Variants in NRXN1 observed in about 807,000 individuals in gnomAD.
NRXN1 encodes neurexin 1.
Under a neutral mutation model 150.9 loss-of-function variants are expected in NRXN1, and 39 were observed. That is an observed-to-expected ratio of 0.26 (90% confidence interval 0.20 to 0.34). The LOEUF (loss-of-function observed/expected upper bound fraction) is 0.34, where lower values mean the gene tolerates loss of function less well. Among genes scored for constraint, NRXN1 ranks in the 10% least tolerant of loss-of-function variants. The pLI, the probability that NRXN1 is intolerant of heterozygous loss-of-function variation, is 1.00. For missense variants in NRXN1, 1,815 were observed against 1,949.9 expected (o/e 0.93, Z 1.30); for synonymous variants, 924 against 757.0 (o/e 1.22, Z -3.62).
chr2:50,401,731 T>C (rs569007391), intron 17 of NRXN1, among the ~76,000 whole-genome samples: 17 of 152,162 alleles, frequency 1.1e-4, no homozygotes, highest in Admixed American at 9.2e-4. Flanking sequence ...CAAGAGCCTA[T>C]GGTTGGAATT....
rs538195184 is a variant in NRXN1, at chr2:50,515,090, C to T, written c.2375-8473G>A. ...GAGAAGCTTCATCTGTATTTACAGC[C>T]GCTCTCCATTACTCACATCACCATC... On this transcript the variant is annotated intron_variant, in intron 12 of 22. Coordinates refer to ENST00000401669, the MANE Select transcript of NRXN1 (RefSeq NM_001330078.2). 9.9e-5 allele frequency among the ~76,000 whole-genome samples: 15 copies of T among 152,274 alleles called. 1 individual carries two copies. The South Asian group carries it at 2.7e-3, about 27-fold the overall frequency.
In NRXN1 at chr2:50,054,959, G is replaced by A; in HGVS notation, c.3804C>T (p.Asp1268=). 6.4e-7 allele frequency: 1 copy of A among 1,555,666 alleles called. No homozygotes were observed. Among genetic ancestry groups the A allele is most frequent in the Non-Finnish European group, 8.7e-7 (1 of 1,151,836 alleles). The change falls in exon 20 of 23, where the codon GAC becomes GAT. Residue 1268 remains aspartate (D), a synonymous_variant. Coordinates refer to ENST00000401669, the MANE Select transcript of NRXN1 (RefSeq NM_001330078.2). The part of the protein sequence containing the change: ...LGRVVDEWLL[D]KGRQLTIFNS... ...GTTTTAATCAATGTTTTTTACCTTT[G>A]TCGAGTAGCCATTCATCAACTACTC...
At chr2:50,615,243 GA>G (rs1235062169) in intron 8 of NRXN1, 1 of 151,986 alleles carries the variant, frequency 6.6e-6, no homozygotes, top group African/African-American at 2.4e-5. Context: ...GGCTTAATCT[GA>G]GCAATTTTTA....
chr2:50,523,665 T>C (rs566074612), intron 12 of NRXN1, among the ~76,000 whole-genome samples: 2 of 152,316 alleles, frequency 1.3e-5, no homozygotes, highest in Non-Finnish European at 2.9e-5. Context: ...AATAAAATGG[T>C]AATACAAAGA....
intron 19 of NRXN1, among the ~76,000 whole-genome samples, chr2:50,071,329 C>T (rs1446310032): frequency 6.6e-6 from 1 of 152,078 alleles, no homozygotes; most frequent in African/African-American, 2.4e-5. Context: ...ATTGTTTATC[C>T]CCCAAATTCA....
chr2:50,887,588 T>C (rs1420377149), intron 5 of NRXN1, among the ~76,000 whole-genome samples: 3 of 151,470 alleles, frequency 2.0e-5, no homozygotes, highest in Non-Finnish European at 4.4e-5. Flanking sequence ...TATCTAGTCT[T>C]TCGTTTACTC....
chr2:50,889,471 C>A (rs1037718453), intron 5 of NRXN1, among the ~76,000 whole-genome samples: 2 of 151,674 alleles, frequency 1.3e-5, no homozygotes, highest in Non-Finnish European at 3.0e-5. Flanking sequence ...ATTTGTTTCC[C>A]ATCTAAACAA....
chr2:50,502,277 A>T (rs1470761269), intron 13 of NRXN1, among the ~76,000 whole-genome samples: 1 of 152,222 alleles, frequency 6.6e-6, no homozygotes, highest in Non-Finnish European at 1.5e-5. Context: ...TACCCAAGGT[A>T]TTTAAAAAAT....
chr2:50,199,568 A>ACG (rs573635250), intron 18 of NRXN1, among the ~76,000 whole-genome samples: 1 of 146,502 alleles, frequency 6.8e-6, no homozygotes, highest in South Asian at 2.1e-4. Flanking sequence ...ACACACACAC[A>ACG]TGCACACTGA....
chr2:50,584,355 T>C (rs1294882676), intron 8 of NRXN1, among the ~76,000 whole-genome samples: 2 of 152,206 alleles, frequency 1.3e-5, no homozygotes, highest in African/African-American at 2.4e-5. Context: ...TAGGTCAGTC[T>C]TGATCAAATA....
intron 17 of NRXN1, among the ~76,000 whole-genome samples, chr2:50,256,430 A>T (rs1445480544): frequency 6.6e-6 from 1 of 152,176 alleles, no homozygotes; most frequent in African/African-American, 2.4e-5. Flanking sequence ...TGTTTTAAAA[A>T]GCCTGAGGAG....
At chr2:50,067,923 G>A (rs1455164898) in intron 19 of NRXN1, among the ~76,000 whole-genome samples, 1 of 152,054 alleles carries the variant, frequency 6.6e-6, no homozygotes, top group Non-Finnish European at 1.5e-5. Context: ...GGAAAATTAT[G>A]TGGTTCAGCT....
intron 5 of NRXN1, among the ~76,000 whole-genome samples, chr2:50,656,633 T>C (rs1432830489): frequency 6.6e-6 from 1 of 151,960 alleles, no homozygotes; most frequent in African/African-American, 2.4e-5. Flanking sequence ...ATTCCGTTTG[T>C]ACCACCCTCA....
At chr2:50,849,834 CCT>C (rs1333943273) in intron 5 of NRXN1, among the ~76,000 whole-genome samples, 17 of 152,234 alleles carry the variant, frequency 1.1e-4, no homozygotes, top group Admixed American at 2.6e-4. Context: ...CCTCTCTTCC[CCT>C]GTTTACTGCT....
chr2:51,015,820 T>C (rs1668586365), intron 2 of NRXN1, among the ~76,000 whole-genome samples: 1 of 151,916 alleles, frequency 6.6e-6, no homozygotes, highest in Non-Finnish European at 1.5e-5. Context: ...TGATATTAAC[T>C]GAAAAATGGA....
chr2:50,252,727 T>C (rs971171979), intron 17 of NRXN1, among the ~76,000 whole-genome samples: 3 of 152,116 alleles, frequency 2.0e-5, no homozygotes, highest in African/African-American at 4.8e-5. Context: ...ATCAGGTGGT[T>C]GTAGATGTGC....
At chr2:50,651,294 AT>A (rs1280058739) in intron 5 of NRXN1, among the ~76,000 whole-genome samples, 1 of 151,892 alleles carries the variant, frequency 6.6e-6, no homozygotes, top group African/African-American at 2.4e-5. Context: ...GCTTTATGAG[AT>A]TTTCTAAAGA....
rs558923188 is a variant in NRXN1, at chr2:51,004,914, A to G, written c.772+22588T>C. ...AAAAGTCCTAAGAAATATTAATTTTAGACTATAGTAAAACTTAATGAATGA... is the reference window on the plus strand; with the variant it reads ...AAAAGTCCTAAGAAATATTAATTTTGGACTATAGTAAAACTTAATGAATGA... On this transcript the variant is annotated intron_variant, in intron 2 of 22. Transcript: ENST00000401669. 2.0e-5 allele frequency among the ~76,000 whole-genome samples: 3 copies of G among 152,106 alleles called. No homozygotes were observed. In the South Asian group the frequency reaches 6.2e-4, roughly 32 times the overall value.
chr2:50,163,164 G>GTATATATATATATATATATATA lies in NRXN1; in HGVS notation c.3547-71692_3547-71671dup, dbSNP rs59163565. On this transcript the variant is annotated intron_variant, in intron 18 of 22. Coordinates refer to ENST00000401669, the MANE Select transcript of NRXN1 (RefSeq NM_001330078.2). ...AGTTATAGATCTATCAATCCAAAAT[G>GTATATATATATATATATATATA]TATATATATATATATATATATAAAA... Among the ~76,000 whole-genome samples the GTATATATATATATATATATATA allele has an allele frequency of 4.8e-3, 673 of 141,528 alleles. 4 individuals are homozygous for GTATATATATATATATATATATA. The highest frequency in any genetic ancestry group is 8.1e-3 in the Middle Eastern group (2 of 246). The allele number at this position is 141,528 out of a possible 152,430, so 92.8% of individuals were successfully genotyped here. A position where few individuals can be genotyped will look rare whatever the true frequency, so the allele number is the denominator to read the frequency against.
Sources: allele counts gnomAD v4.1 joint callset (sites outside exome capture counted in the v4.1 genomes callset), GRCh38; gene constraint gnomAD v4.1.1; transcripts MANE v1.5; gene names NCBI Gene and HGNC (gene_info 2026-07-23, HGNC 2026-07-21).